Variants in NKAIN2 observed in about 807,000 individuals in gnomAD.
The protein encoded by NKAIN2 is sodium/potassium transporting ATPase interacting 2.
Under a neutral mutation model 32.6 loss-of-function variants are expected in NKAIN2, and 14 were observed. The ratio of observed to expected loss-of-function variants is 0.43; its 90% CI spans 0.28 to 0.67. The LOEUF is 0.67. Ranked by LOEUF, NKAIN2 falls within the 30% of genes least tolerant of loss-of-function variation. The pLI, the probability that NKAIN2 is intolerant of heterozygous loss-of-function variation, is 0.17. For missense variants in NKAIN2, 198 were observed against 258.3 expected, an observed-to-expected ratio of 0.77 and a Z score of 1.60; for synonymous variants, 80 against 87.2, an observed-to-expected ratio of 0.92 and a Z score of 0.46.
intron 1 of NKAIN2, among the ~76,000 whole-genome samples, chr6:123,866,770 G>A (rs899325449): frequency 1.3e-5 from 2 of 152,126 alleles, no homozygotes; most frequent in Non-Finnish European, 1.5e-5. Flanking sequence ...AGCAGCATTT[G>A]ACCATGTAAT....
intron 1 of NKAIN2, among the ~76,000 whole-genome samples, chr6:124,038,664 A>G (rs1354867897): frequency 6.6e-6 from 1 of 152,160 alleles, no homozygotes; most frequent in Non-Finnish European, 1.5e-5. Flanking sequence ...TTACACAATC[A>G]CCTACTCCGA....
chr6:124,155,190 T>G (rs955036471), intron 1 of NKAIN2, among the ~76,000 whole-genome samples: 3 of 152,120 alleles, frequency 2.0e-5, no homozygotes, highest in African/African-American at 7.2e-5. Context: ...GCTTTAAAAA[T>G]GTTGTTAAAA....
chr6:124,463,448 C>G (rs1776614059), intron 3 of NKAIN2, among the ~76,000 whole-genome samples: 3 of 152,056 alleles, frequency 2.0e-5, no homozygotes, highest in African/African-American at 7.2e-5. Context: ...CCATCTGCCT[C>G]TATTGTATCA....
At chr6:123,898,579 A>G (rs1182242278) in intron 1 of NKAIN2, among the ~76,000 whole-genome samples, 1 of 137,880 alleles carries the variant, frequency 7.3e-6, no homozygotes, top group Non-Finnish European at 1.5e-5. Flanking sequence ...ATTTCCTTCT[A>G]TCTAATTCCG....
At chr6:124,082,258 A>AT (rs1784006106) in intron 1 of NKAIN2, among the ~76,000 whole-genome samples, 1 of 152,054 alleles carries the variant, frequency 6.6e-6, no homozygotes, top group Non-Finnish European at 1.5e-5. Flanking sequence ...CATCAATGAA[A>AT]ATCAAAGTGT....
chr6:123,892,131 A>T (rs1230399484), intron 1 of NKAIN2, among the ~76,000 whole-genome samples: 1 of 152,092 alleles, frequency 6.6e-6, no homozygotes, highest in Non-Finnish European at 1.5e-5. Context: ...CCTAAAAGTA[A>T]AAGAAAGTGA....
chr6:124,812,001 A>G lies in NKAIN2; in HGVS notation c.536-6386A>G, dbSNP rs139297262. 9.4e-4 allele frequency among the ~76,000 whole-genome samples: 143 copies of G among 152,224 alleles called. No individual in the cohort carries two copies. In the East Asian group the frequency reaches 0.018, roughly 19 times the overall value. The stretch of plus-strand genomic sequence containing the variant: ...TGTGTGCCTCTGTTTAGGGTCCTAT[A>G]AACTGGCCAGAAGGAAAACAAAGTT... On this transcript the variant is annotated intron_variant, in intron 5 of 6. Transcript: ENST00000368417.
At chr6:124,179,300 T>C (rs2114535310) in intron 1 of NKAIN2, among the ~76,000 whole-genome samples, 1 of 152,314 alleles carries the variant, frequency 6.6e-6, no homozygotes, top group Admixed American at 6.5e-5. Flanking sequence ...AGACCTTTAC[T>C]GTCTCATTTA....
At chr6:124,606,127 T>G (rs1245336640) in intron 3 of NKAIN2, among the ~76,000 whole-genome samples, 1 of 152,042 alleles carries the variant, frequency 6.6e-6, no homozygotes. Flanking sequence ...AAATTTCAAT[T>G]TGGCCTCATT....
At chr6:124,706,639 G>A (rs1320050509) in intron 4 of NKAIN2, among the ~76,000 whole-genome samples, 1 of 152,158 alleles carries the variant, frequency 6.6e-6, no homozygotes, top group Non-Finnish European at 1.5e-5. Flanking sequence ...AGATGTGAAA[G>A]CAGATAGAAA....
At chr6:124,184,327 G>C (rs1032373689) in intron 1 of NKAIN2, among the ~76,000 whole-genome samples, 2 of 151,610 alleles carry the variant, frequency 1.3e-5, no homozygotes, top group Non-Finnish European at 2.9e-5. Context: ...TTTTGTAACT[G>C]TTTCCCTACA....
chr6:124,075,005 A>C (rs1783627517), intron 1 of NKAIN2, among the ~76,000 whole-genome samples: 1 of 152,196 alleles, frequency 6.6e-6, no homozygotes, highest in Non-Finnish European at 1.5e-5. Context: ...ATAATGAAGG[A>C]TGAACGTACT....
At chr6:124,069,309 CTTCA>C (rs1262741035) in intron 1 of NKAIN2, among the ~76,000 whole-genome samples, 16 of 152,096 alleles carry the variant, frequency 1.1e-4, no homozygotes, top group African/African-American at 3.4e-4. Context: ...GTGAGCATAT[CTTCA>C]TTAGAATTGT....
chr6:124,225,101 T>C lies in NKAIN2; in HGVS notation c.55-57904T>C, dbSNP rs1480703214. 2.0e-5 allele frequency among the ~76,000 whole-genome samples: 3 copies of C among 152,058 alleles called. No individual in the cohort carries two copies. In the East Asian group the frequency reaches 5.8e-4, roughly 29 times the overall value. On this transcript the variant is annotated intron_variant, in intron 1 of 6. Transcript: ENST00000368417. ...TATTGAGTTTCAATATAGATTGCTT[T>C]GTTTTCAGAGCTGTCTACTCATAAA...
intron 5 of NKAIN2, among the ~76,000 whole-genome samples, chr6:124,792,960 A>G (rs1310036896): frequency 6.6e-6 from 1 of 152,168 alleles, no homozygotes; most frequent in Non-Finnish European, 1.5e-5. Context: ...AATGTACTTT[A>G]GAAAAAATAC....
chr6:124,143,005 G>C (rs944884355), intron 1 of NKAIN2, among the ~76,000 whole-genome samples: 1 of 152,122 alleles, frequency 6.6e-6, no homozygotes, highest in African/African-American at 2.4e-5. Context: ...TTAAGAAAAT[G>C]ACTCAACCTA....
intron 3 of NKAIN2, among the ~76,000 whole-genome samples, chr6:124,608,532 G>A (rs1372643819): frequency 1.3e-5 from 2 of 152,170 alleles, no homozygotes; most frequent in Admixed American, 6.6e-5. Context: ...AGTGAAGGGA[G>A]TGTGCCCTCC....
At chr6:124,178,492 T>A (rs1789277864) in intron 1 of NKAIN2, among the ~76,000 whole-genome samples, 1 of 151,794 alleles carries the variant, frequency 6.6e-6, no homozygotes, top group Admixed American at 6.6e-5. Context: ...AGAGATGGGG[T>A]TTCACCGTGT....
intron 3 of NKAIN2, among the ~76,000 whole-genome samples, chr6:124,566,660 A>G (rs1780924924): frequency 1.3e-5 from 2 of 149,504 alleles, no homozygotes; most frequent in Non-Finnish European, 3.0e-5. Context: ...TGAAATGCTG[A>G]GTTAAGCAAA....
Sources: gnomAD v4.1 joint callset for allele counts (sites outside exome capture counted in the v4.1 genomes callset) on GRCh38, gnomAD v4.1.1 for gene constraint, MANE v1.5 for transcripts, NCBI Gene and HGNC (gene_info 2026-07-23, HGNC 2026-07-21) for gene names.